Variants in SNCAIP observed in about 807,000 individuals in gnomAD.
SNCAIP encodes the protein synuclein alpha interacting protein, also known as synphilin-1.
SNCAIP carries 43 observed loss-of-function variants against 86.7 expected under a neutral mutation model. That is an observed-to-expected ratio of 0.50 (90% CI 0.39 to 0.64). SNCAIP has a LOEUF of 0.64. Ranked by LOEUF, SNCAIP falls within the 30% of genes least tolerant of loss-of-function variation. The pLI is 0.00. For synonymous variants in SNCAIP, 417 were observed against 427.2 expected (o/e 0.98, Z 0.29); for missense variants, 981 against 1,103.1 (o/e 0.89, Z 1.57).
chr5:122,421,839 C>G (rs1360544217), intron 3 of SNCAIP, among the ~76,000 whole-genome samples: 2 of 152,074 alleles, frequency 1.3e-5, no homozygotes, highest in East Asian at 1.9e-4. Context: ...ATTGCTCCAT[C>G]TGCTTGCCTC....
chr5:122,326,446 G>C (rs1429938676), intron 1 of SNCAIP, among the ~76,000 whole-genome samples: 1 of 151,914 alleles, frequency 6.6e-6, no homozygotes, highest in Non-Finnish European at 1.5e-5. Context: ...TGGTCATCTT[G>C]AAAAACAAAA....
chr5:122,410,754 C>T (rs559338507), intron 3 of SNCAIP, among the ~76,000 whole-genome samples: 9 of 152,216 alleles, frequency 5.9e-5, no homozygotes, highest in East Asian at 5.8e-4. Context: ...GCCTGGGAGG[C>T]GGAAGTTGCG....
At chr5:122,324,384 C>T (rs1163181194) in intron 1 of SNCAIP, among the ~76,000 whole-genome samples, 2 of 152,176 alleles carry the variant, frequency 1.3e-5, no homozygotes, top group Non-Finnish European at 2.9e-5. Flanking sequence ...CACACTTTTA[C>T]TTGCCCTGTG....
intron 3 of SNCAIP, among the ~76,000 whole-genome samples, chr5:122,416,882 C>T (rs547393782): frequency 1.3e-5 from 2 of 152,258 alleles, no homozygotes; most frequent in African/African-American, 4.8e-5. Context: ...CCTAGGTTTC[C>T]AGTAGCTATG....
At chr5:122,361,175 T>G (rs1762130916) in intron 1 of SNCAIP, among the ~76,000 whole-genome samples, 1 of 144,682 alleles carries the variant, frequency 6.9e-6, no homozygotes, top group Non-Finnish European at 1.5e-5. Context: ...TAGTCATTTT[T>G]GAAAAAAAAA....
intron 1 of SNCAIP, among the ~76,000 whole-genome samples, chr5:122,343,513 T>C (rs1456262555): frequency 2.0e-5 from 3 of 152,236 alleles, no homozygotes; most frequent in African/African-American, 7.2e-5. Flanking sequence ...AATAATTATA[T>C]CTTGCTTTCA....
At chr5:122,454,656 G>T (rs1023669884) in intron 10 of SNCAIP, 6 of 152,568 alleles carry the variant, frequency 3.9e-5, no homozygotes, top group African/African-American at 1.2e-4. Context: ...GTGTTTTCTG[G>T]TGCCTGGAAA....
Position 122,425,244 on chromosome 5 carries a change from C to T in SNCAIP, c.1003-108C>T. 3.5e-6 allele frequency: 3 copies of T among 854,606 alleles called. No individual in the cohort carries two copies. The South Asian group carries it at 4.0e-5, about 11-fold the overall frequency. The allele number at this position is 854,606 out of a possible 1,614,324, so 52.9% of individuals were successfully genotyped here. ...TTTATTAGATCCCCAAGGCTGCCAC[C>T]AGAGCTTCTATAAGCTCATTTCTTC... On this transcript the variant is annotated intron_variant, in intron 4 of 10. Coordinates refer to ENST00000261368, the MANE Select transcript of SNCAIP (RefSeq NM_005460.4).
intron 6 of SNCAIP, among the ~76,000 whole-genome samples, chr5:122,436,240 T>A (rs1779447686): frequency 6.6e-6 from 1 of 151,960 alleles, no homozygotes; most frequent in Non-Finnish European, 1.5e-5. Context: ...AGAATAGGTC[T>A]CCCTGGACCT....
At chr5:122,339,612 G>A (rs1757162147) in intron 1 of SNCAIP, among the ~76,000 whole-genome samples, 1 of 152,136 alleles carries the variant, frequency 6.6e-6, no homozygotes, top group South Asian at 2.1e-4. Flanking sequence ...ATCTCAGTAG[G>A]AGATTTCCGG....
intron 6 of SNCAIP, among the ~76,000 whole-genome samples, chr5:122,434,171 T>C (rs1482447302): frequency 6.6e-6 from 1 of 152,156 alleles, no homozygotes; most frequent in Non-Finnish European, 1.5e-5. Context: ...TATTCAATTG[T>C]GTGAATAGTT....
At chr5:122,444,219 T>G in intron 7 of SNCAIP, 1 of 478,466 alleles carries the variant, frequency 2.1e-6, no homozygotes, top group Non-Finnish European at 4.1e-6. Context: ...CTCCCCCTCT[T>G]ACAGGCATCT....
At chr5:122,317,849 TC>T (rs1752095710) in intron 1 of SNCAIP, among the ~76,000 whole-genome samples, 1 of 152,090 alleles carries the variant, frequency 6.6e-6, no homozygotes, top group African/African-American at 2.4e-5. Flanking sequence ...CTCCCTTTCT[TC>T]CTCCACCTAA....
intron 1 of SNCAIP, among the ~76,000 whole-genome samples, chr5:122,379,523 C>G (rs1299618621): frequency 7.2e-6 from 1 of 138,794 alleles, no homozygotes; most frequent in Admixed American, 7.4e-5. Context: ...TAATTGAATA[C>G]CCTTTATTTC....
chr5:122,312,112 G>T (rs1469124928), upstream of SNCAIP: 1 of 148,074 alleles, frequency 6.8e-6, no homozygotes, highest in Non-Finnish European at 1.5e-5. Flanking sequence ...CCGTTGGGGG[G>T]CCCGGGGAGC....
intron 2 of SNCAIP, among the ~76,000 whole-genome samples, chr5:122,403,521 A>G (rs1772284312): frequency 6.6e-6 from 1 of 152,144 alleles, no homozygotes; most frequent in Admixed American, 6.6e-5. Flanking sequence ...GATAAGAGGG[A>G]GAGAGTGTCT....
chr5:122,448,364 G>A (rs955932957), intron 8 of SNCAIP, among the ~76,000 whole-genome samples: 4 of 151,540 alleles, frequency 2.6e-5, no homozygotes, highest in Admixed American at 6.6e-5. Context: ...AGCCAAGCTA[G>A]GCAGAACACA....
intron 3 of SNCAIP, among the ~76,000 whole-genome samples, chr5:122,414,167 C>A (rs1188848378): frequency 6.6e-6 from 1 of 152,074 alleles, no homozygotes; most frequent in Non-Finnish European, 1.5e-5. Flanking sequence ...CCTCAACCCC[C>A]CAAAGCACTG....
At chr5:122,345,328 T>A (rs184171121) in intron 1 of SNCAIP, among the ~76,000 whole-genome samples, 18 of 152,312 alleles carry the variant, frequency 1.2e-4, no homozygotes, top group African/African-American at 4.1e-4. Flanking sequence ...GTCAAAATAG[T>A]TAGTAAAAAT....
Sources: allele counts gnomAD v4.1 joint callset (sites outside exome capture counted in the v4.1 genomes callset), GRCh38; gene constraint gnomAD v4.1.1; transcripts MANE v1.5; gene names NCBI Gene and HGNC (gene_info 2026-07-23, HGNC 2026-07-21).